PLXNA4: variants seen among roughly 807,000 people sequenced by gnomAD.
The protein encoded by PLXNA4 is plexin-A4.
A neutral mutation model predicts 191.8 loss-of-function variants in PLXNA4; 44 were observed. That is an observed-to-expected ratio of 0.23 (90% confidence interval 0.18 to 0.29). The LOEUF is 0.29. PLXNA4 is among the 10% of genes least tolerant of loss of function. The pLI is 1.00. For synonymous variants in PLXNA4, 1,082 were observed against 1,009.5 expected, an observed-to-expected ratio of 1.07 and a Z score of -1.36; for missense variants, 1,800 against 2,488.8, an observed-to-expected ratio of 0.72 and a Z score of 5.89.
chr7:132,179,862 C>A lies in PLXNA4; in HGVS notation c.3699G>T (p.Pro1233=). Residue 1233 remains proline (P), a synonymous_variant, in exon 20 of 32, where the codon CCG becomes CCT. Transcript: ENST00000321063. The part of the protein sequence containing the change: ...PGMVYIAPDS[P]LSLPAIVSIA... ...TGCTGACGATGGCGGGCAGGCTGAG[C>A]GGGCTGTCCGGGGCAATGTACACCA... 1 of 1,613,060 alleles carries A rather than the reference C, an allele frequency of 6.2e-7. No individual in the cohort carries two copies. Among genetic ancestry groups the A allele is most frequent in the Non-Finnish European group, 8.5e-7 (1 of 1,179,942 alleles).
intron 1 of PLXNA4, among the ~76,000 whole-genome samples, chr7:132,532,892 G>A (rs10260744): frequency 0.34 from 51,113 of 151,980 alleles, 8,723 homozygotes; most frequent in South Asian, 0.35. Context: ...AATGTGACCT[G>A]AGACTAACTA....
intron 1 of PLXNA4, among the ~76,000 whole-genome samples, chr7:132,565,425 C>T (rs1423110192): frequency 6.6e-6 from 1 of 152,218 alleles, no homozygotes; most frequent in Admixed American, 6.5e-5. Context: ...ACCACAGCCA[C>T]ATTTCTGACA....
At position 132,133,214 on chromosome 7, in the gene PLXNA4, A is replaced by AAAT. The variant is rs1795019479; in HGVS notation, c.5439-18_5439-16dup. 1.9e-6 allele frequency: 3 copies of AAAT among 1,613,286 alleles called. No homozygotes were observed. The East Asian group carries it at 6.7e-5, about 36-fold the overall frequency. On this transcript the variant is annotated splice_polypyrimidine_tract_variant and intron_variant, in intron 30 of 31. Transcript: ENST00000321063. ...CTGAGTAATACCTGTGGAGGGATGG[A>AAAT]AATAGGGAGAAGCTGAAGTCGTGCA...
At chr7:132,620,554 C>A (rs1803240322) in intron 2 of PLXNA4, among the ~76,000 whole-genome samples, 1 of 152,182 alleles carries the variant, frequency 6.6e-6, no homozygotes, top group Non-Finnish European at 1.5e-5. Flanking sequence ...CCAGTCCTCT[C>A]TCCCAAGCTA....
At chr7:132,436,503 C>A (rs138878649) in intron 3 of PLXNA4, among the ~76,000 whole-genome samples, 1 of 152,328 alleles carries the variant, frequency 6.6e-6, no homozygotes, top group Non-Finnish European at 1.5e-5. Context: ...CCACCTGCAC[C>A]TTCACTGCAA....
chr7:132,538,090 C>T (rs1799923717), intron 1 of PLXNA4, among the ~76,000 whole-genome samples: 1 of 152,216 alleles, frequency 6.6e-6, no homozygotes, highest in Non-Finnish European at 1.5e-5. Context: ...CTTCTCCAGT[C>T]CTCCCAATGC....
chr7:132,333,584 C>A (rs1802683598), intron 3 of PLXNA4, among the ~76,000 whole-genome samples: 1 of 152,198 alleles, frequency 6.6e-6, no homozygotes, highest in Non-Finnish European at 1.5e-5. Context: ...TCCTCAGCTG[C>A]TGGAGGGACA....
chr7:132,332,258 C>T (rs1038199010), intron 3 of PLXNA4, among the ~76,000 whole-genome samples: 2 of 152,178 alleles, frequency 1.3e-5, no homozygotes, highest in Non-Finnish European at 2.9e-5. Context: ...AAACTTTGGG[C>T]AATGCACTAC....
At chr7:132,449,250 G>T (rs1198613092) in intron 3 of PLXNA4, among the ~76,000 whole-genome samples, 4 of 152,164 alleles carry the variant, frequency 2.6e-5, no homozygotes, top group Admixed American at 2.6e-4. Context: ...AGTTCTCCTG[G>T]CCTCTTACTC....
At chr7:132,199,076 C>T (rs1338067038) in intron 12 of PLXNA4, among the ~76,000 whole-genome samples, 2 of 152,198 alleles carry the variant, frequency 1.3e-5, no homozygotes, top group Non-Finnish European at 2.9e-5. Flanking sequence ...GACACTGCCC[C>T]ATAACCCTGT....
At chr7:132,263,298 T>G (rs1331491271) in intron 4 of PLXNA4, among the ~76,000 whole-genome samples, 1 of 152,076 alleles carries the variant, frequency 6.6e-6, no homozygotes, top group Non-Finnish European at 1.5e-5. Flanking sequence ...GTTCTGGCCA[T>G]GCCATCCACA....
At chr7:132,408,448 C>CTTTATTTATTTA (rs55684832) in intron 3 of PLXNA4, among the ~76,000 whole-genome samples, 16,844 of 149,404 alleles carry the variant, frequency 0.11, 1,602 homozygotes, top group African/African-American at 0.23. Context: ...CACAAAAACA[C>CTTTATTTATTTA]TTTATTTATT....
intron 7 of PLXNA4, 31 bp downstream of exon 7, chr7:132,227,420 T>C: frequency 6.2e-7 from 1 of 1,613,656 alleles, no homozygotes; most frequent in Non-Finnish European, 8.5e-7. Flanking sequence ...GAGGAAGAAG[T>C]GCCACTCAGC....
intron 3 of PLXNA4, among the ~76,000 whole-genome samples, chr7:132,488,430 C>A (rs914165693): frequency 5.3e-5 from 8 of 152,170 alleles, no homozygotes; most frequent in African/African-American, 1.9e-4. Flanking sequence ...TCCAGAGAAC[C>A]CCAAAAGAAG....
intron 3 of PLXNA4, among the ~76,000 whole-genome samples, chr7:132,359,657 C>T (rs1803856476): frequency 6.6e-6 from 1 of 152,160 alleles, no homozygotes; most frequent in East Asian, 1.9e-4. Context: ...ATCTCTCCCA[C>T]CCTGGCCACA....
intron 1 of PLXNA4, among the ~76,000 whole-genome samples, chr7:132,562,599 CTCCTCCTCCTTCTCCTCCTCT>C (rs1240790092): frequency 2.4e-5 from 3 of 125,242 alleles, no homozygotes; most frequent in East Asian, 2.6e-4. Flanking sequence ...CTTTCTCCTC[CTCCTCCTCCTTCTCCTCCTCT>C]TCCTCCTCCT....
At chr7:132,433,517 C>T (rs1211099943) in intron 3 of PLXNA4, among the ~76,000 whole-genome samples, 2 of 152,200 alleles carry the variant, frequency 1.3e-5, no homozygotes, top group South Asian at 2.1e-4. Context: ...GAGGTTTGTG[C>T]TCAGCATTCA....
chr7:132,327,370 A>G (rs1437062362), intron 3 of PLXNA4, among the ~76,000 whole-genome samples: 1 of 152,192 alleles, frequency 6.6e-6, no homozygotes, highest in East Asian at 1.9e-4. Context: ...AAGATTAAAT[A>G]TATAGATTTT....
At chr7:132,462,157 C>T (rs889635256) in intron 3 of PLXNA4, among the ~76,000 whole-genome samples, 3 of 152,136 alleles carry the variant, frequency 2.0e-5, no homozygotes, top group African/African-American at 7.2e-5. Flanking sequence ...AGGAGAAGGA[C>T]TAAAATCATA....
Sources: gnomAD v4.1 joint callset for allele counts (sites outside exome capture counted in the v4.1 genomes callset) on GRCh38, gnomAD v4.1.1 for gene constraint, MANE v1.5 for transcripts, NCBI Gene and HGNC (gene_info 2026-07-23, HGNC 2026-07-21) for gene names.